The following IREB2 variants were observed in gnomAD, a reference collection of about 807,000 sequenced individuals.
IREB2 encodes the protein iron-responsive element-binding protein 2.
Under a neutral mutation model 118.8 loss-of-function variants are expected in IREB2, and 39 were observed. The ratio of observed to expected loss-of-function variants is 0.33; its 90% CI spans 0.25 to 0.43. IREB2 has a LOEUF of 0.43. Ranked by LOEUF, IREB2 falls within the 20% of genes least tolerant of loss-of-function variation. The pLI, the probability that IREB2 is intolerant of heterozygous loss-of-function variation, is 1.00. For missense variants in IREB2, 900 were observed against 1,147.3 expected (o/e 0.78, Z 3.11); for synonymous variants, 372 against 392.2 (o/e 0.95, Z 0.61).
At chr15:78,480,033 A>G (rs1596006970) in intron 10 of IREB2, 1 of 152,212 alleles carries the variant, frequency 6.6e-6, no homozygotes, top group Non-Finnish European at 1.5e-5. Flanking sequence ...AAGGATTTCT[A>G]ACAACATGGT....
chr15:78,477,312 A>G (rs1374803295), intron 9 of IREB2, among the ~76,000 whole-genome samples: 1 of 152,224 alleles, frequency 6.6e-6, no homozygotes, highest in East Asian at 1.9e-4. Context: ...GGTAATTCAG[A>G]CAGGGCACAG....
chr15:78,478,907 A>G (rs970433966), intron 10 of IREB2, among the ~76,000 whole-genome samples: 2 of 152,096 alleles, frequency 1.3e-5, no homozygotes, highest in Non-Finnish European at 2.9e-5. Flanking sequence ...AGTTCCAGGC[A>G]CATAGTAAAT....
chr15:78,472,305 C>T (rs145872347), intron 7 of IREB2, among the ~76,000 whole-genome samples: 41 of 152,280 alleles, frequency 2.7e-4, no homozygotes, highest in African/African-American at 8.9e-4. Context: ...CTCACCCACA[C>T]CCATCTTAGA....
At chr15:78,466,604 T>C (rs1032156098) in intron 5 of IREB2, 115 bp downstream of exon 5, 4 of 680,484 alleles carry the variant, frequency 5.9e-6, no homozygotes, top group South Asian at 1.9e-5. Context: ...ACTTAAGTAC[T>C]GAATTGAATT....
chr15:78,438,063 A>G, upstream of IREB2: 1 of 485,490 alleles, frequency 2.1e-6, no homozygotes, highest in South Asian at 2.9e-5. Flanking sequence ...CCCGCTCGCG[A>G]GAACAGCGGC....
chr15:78,489,957 A>G (rs2051721676), intron 16 of IREB2, among the ~76,000 whole-genome samples: 1 of 152,230 alleles, frequency 6.6e-6, no homozygotes, highest in Non-Finnish European at 1.5e-5. Flanking sequence ...AGCAACATAT[A>G]GAAATCTTTC....
chr15:78,463,649 C>T (rs751341201), intron 3 of IREB2, among the ~76,000 whole-genome samples: 37 of 152,142 alleles, frequency 2.4e-4, no homozygotes, highest in Non-Finnish European at 5.0e-4. Flanking sequence ...TTCTTATGAT[C>T]TCTCAATAGG....
At position 78,478,224 on chromosome 15, in the gene IREB2, A is replaced by G. The variant is rs1450013544; in HGVS notation, c.1196-73A>G. ...GCTCCAGCCTGGGCAACAAAGTGAA[A>G]CCCTGTCTGAAAAAAATAATAACTA... On this transcript the variant is annotated intron_variant, in intron 9 of 21. Coordinates refer to ENST00000258886, the MANE Select transcript of IREB2 (RefSeq NM_004136.4). 5 of 1,026,356 alleles carry G rather than the reference A, an allele frequency of 4.9e-6. No individual in the cohort carries two copies. The Admixed American group carries it at 9.0e-5, about 18-fold the overall frequency. 63.6% of individuals were successfully genotyped at this position (1,026,356 alleles called of 1,614,324 possible). A position where few individuals can be genotyped will look rare whatever the true frequency, so the allele number is the denominator to read the frequency against.
At position 78,476,363 on chromosome 15, in the gene IREB2, A is replaced by G. The variant is rs2051471011; in HGVS notation, c.1195+4A>G. The stretch of plus-strand genomic sequence containing the variant: ...TTAAAACATTTAGAACATACAGGTA[A>G]GAAGATAAAAGATCACTAGAATAAA... On this transcript the variant is annotated splice_donor_region_variant and intron_variant, in intron 9 of 21. Transcript: ENST00000258886. 1 of 1,520,366 alleles carries G rather than the reference A, an allele frequency of 6.6e-7. No homozygotes were observed. Among genetic ancestry groups the G allele is most frequent in the Non-Finnish European group, 9.0e-7 (1 of 1,114,046 alleles). 94.2% of individuals were successfully genotyped at this position (1,520,366 alleles called of 1,614,324 possible). A position where few individuals can be genotyped will look rare whatever the true frequency, so the allele number is the denominator to read the frequency against.
At chr15:78,485,178 A>G (rs2051639037) in intron 12 of IREB2, among the ~76,000 whole-genome samples, 1 of 152,196 alleles carries the variant, frequency 6.6e-6, no homozygotes, top group South Asian at 2.1e-4. Context: ...TTAATTTAGA[A>G]CTATAGTTAA....
In IREB2 at chr15:78,499,598, A is replaced by G. The variant is rs2051904670; in HGVS notation, c.*1455A>G. ...AATCTTTTGAAAATATTTTGCAAAT[A>G]TGTGTTTAGACAATAAGATGGACTA... On this transcript the variant is annotated 3_prime_UTR_variant, in exon 22 of 22. Coordinates refer to ENST00000258886, the MANE Select transcript of IREB2 (RefSeq NM_004136.4). The G allele has an allele frequency of 1.3e-5, 2 of 152,342 alleles. No homozygotes were observed. The highest frequency in any genetic ancestry group is 2.1e-4 in the South Asian group (1 of 4,830). The allele number at this position is 152,342 out of a possible 1,614,324, so 9.4% of individuals were successfully genotyped here. A position where few individuals can be genotyped will look rare whatever the true frequency, so the allele number is the denominator to read the frequency against.
At chr15:78,484,976 T>C in intron 12 of IREB2, 56 bp downstream of exon 12, 1 of 1,499,090 alleles carries the variant, frequency 6.7e-7, no homozygotes, top group Admixed American at 1.9e-5. Context: ...TGTTGGCTTT[T>C]CTGTTATTGT....
chr15:78,446,996 T>A (rs2050940471), intron 2 of IREB2, among the ~76,000 whole-genome samples: 1 of 152,174 alleles, frequency 6.6e-6, no homozygotes, highest in Non-Finnish European at 1.5e-5. Flanking sequence ...AAAAAAACTT[T>A]CTTCTACATT....
intron 8 of IREB2, chr15:78,474,561 T>C (rs1039953946): frequency 1.2e-4 from 18 of 152,208 alleles, no homozygotes; most frequent in Admixed American, 4.6e-4. Context: ...CCTGACAATA[T>C]TACTGTGTGT....
intron 2 of IREB2, among the ~76,000 whole-genome samples, chr15:78,448,659 C>CTTCCTTATCTT (rs2050972762): frequency 6.6e-6 from 1 of 152,146 alleles, no homozygotes; most frequent in African/African-American, 2.4e-5. Context: ...ATTACAGGGC[C>CTTCCTTATCTT]TTCTAGAACA....
chr15:78,470,171 G>C (rs1001369660), intron 5 of IREB2, among the ~76,000 whole-genome samples: 1 of 152,196 alleles, frequency 6.6e-6, no homozygotes, highest in African/African-American at 2.4e-5. Flanking sequence ...TGGCACAAGA[G>C]CCAGGTGGGG....
At chr15:78,484,688 A>G (rs1370120553) in intron 11 of IREB2, 73 bp from the exon 12 acceptor site, 3 of 1,044,188 alleles carry the variant, frequency 2.9e-6, no homozygotes, top group African/African-American at 3.2e-5. Flanking sequence ...GGTATCTGCT[A>G]TGTTTTCTGC....
In IREB2 at chr15:78,500,986, ATGAG is replaced by A. The variant is rs1368771328; in HGVS notation, c.*2848_*2851del. The A allele has an allele frequency of 1.3e-5, 2 of 152,204 alleles. No individual in the cohort carries two copies. Among genetic ancestry groups the A allele is most frequent in the African/African-American group, 2.4e-5 (1 of 41,444 alleles). 9.4% of individuals were successfully genotyped at this position (152,204 alleles called of 1,614,324 possible). On this transcript the variant is annotated 3_prime_UTR_variant, in exon 22 of 22. Transcript: ENST00000258886. Reference sequence around the variant, plus strand: ...GTCGTGTGCATTTGCTTTCACAGTGATGAGTGAGAGGATGAGAAGAAATTATTTG... The same window carrying A: ...GTCGTGTGCATTTGCTTTCACAGTGATGAGAGGATGAGAAGAAATTATTTG...
chr15:78,456,420 T>C (rs889867854), intron 2 of IREB2, among the ~76,000 whole-genome samples: 13 of 152,074 alleles, frequency 8.5e-5, no homozygotes, highest in African/African-American at 3.1e-4. Flanking sequence ...CCCAGTACTT[T>C]GGGAGGCCAA....
Sources: allele counts gnomAD v4.1 joint callset (sites outside exome capture counted in the v4.1 genomes callset), GRCh38; gene constraint gnomAD v4.1.1; transcripts MANE v1.5; gene names NCBI Gene and HGNC (gene_info 2026-07-23, HGNC 2026-07-21).